Variants in MAST3 observed in about 807,000 individuals in gnomAD.
MAST3 encodes the protein microtubule-associated serine/threonine-protein kinase 3.
MAST3 carries 43 observed loss-of-function variants against 127.0 expected under a neutral mutation model. That is an observed-to-expected ratio of 0.34 (90% CI 0.27 to 0.44). The LOEUF (loss-of-function observed/expected upper bound fraction) is 0.44. Ranked by LOEUF, MAST3 falls within the 20% of genes least tolerant of loss-of-function variation. The pLI, the probability that MAST3 is intolerant of heterozygous loss-of-function variation, is 1.00. For synonymous variants in MAST3, 785 were observed against 809.2 expected (o/e 0.97, Z 0.51); for missense variants, 1,390 against 1,919.1 (o/e 0.72, Z 5.15).
intron 3 of MAST3, among the ~76,000 whole-genome samples, chr19:18,119,617 A>G (rs1353065747): frequency 1.3e-5 from 2 of 152,234 alleles, no homozygotes; most frequent in African/African-American, 4.8e-5. Context: ...GGCGTGAGCC[A>G]GGCCCTGTGA....
chr19:18,146,944 G>A lies in MAST3; in HGVS notation c.3226G>A (p.Ala1076Thr), dbSNP rs372265542. ...LENTSIKVGP[A>T]RKNVAKGRMA... ...GAACACCTCCATCAAGGTGGGCCCC[G>A]CCCGGAAGAATGTGGCCAAGGGCCG... Residue 1076 changes from alanine (A) to threonine (T), a missense_variant, in exon 26 of 28, where the codon GCC (alanine) becomes ACC (threonine). By Grantham distance (58) the Ala-to-Thr change is moderately conservative. Coordinates refer to ENST00000687212, the MANE Select transcript of MAST3 (RefSeq NM_001393504.1). 2.8e-4 allele frequency: 437 copies of A among 1,559,330 alleles called. No individual in the cohort carries two copies. Among genetic ancestry groups the A allele is most frequent in the Non-Finnish European group, 3.6e-4 (413 of 1,151,644 alleles).
At chr19:18,098,886 C>T (rs937137649) in intron 1 of MAST3, 7 of 442,754 alleles carry the variant, frequency 1.6e-5, no homozygotes, top group Non-Finnish European at 3.2e-5. Context: ...GCAGCGGTGA[C>T]CCCACGGAGT....
At chr19:18,118,619 G>A (rs1426072234) in intron 3 of MAST3, among the ~76,000 whole-genome samples, 3 of 152,196 alleles carry the variant, frequency 2.0e-5, no homozygotes, top group Admixed American at 2.0e-4. Flanking sequence ...CAGAAATGTT[G>A]GCTCAGAAGC....
intron 15 of MAST3, among the ~76,000 whole-genome samples, chr19:18,132,409 G>A (rs1227419126): frequency 6.6e-6 from 1 of 152,192 alleles, no homozygotes; most frequent in East Asian, 1.9e-4. Flanking sequence ...CACAAGGGGA[G>A]AGAACATGCA....
chr19:18,136,947 G>A (rs527495362), intron 18 of MAST3, among the ~76,000 whole-genome samples: 18 of 152,088 alleles, frequency 1.2e-4, no homozygotes, highest in South Asian at 6.2e-4. Flanking sequence ...TCAGCCTCCC[G>A]AGTAGCTGGG....
At position 18,110,854 on chromosome 19, in the gene MAST3, C is replaced by A; in HGVS notation, c.161+113C>A. 3.2e-6 allele frequency: 1 copy of A among 309,854 alleles called. No homozygotes were observed. The highest frequency in any genetic ancestry group is 4.7e-6 in the Non-Finnish European group (1 of 212,006). 19.2% of individuals were successfully genotyped at this position (309,854 alleles called of 1,614,324 possible). A position where few individuals can be genotyped will look rare whatever the true frequency, so the allele number is the denominator to read the frequency against. ...AGATACTGCAGGTTGGTGACATCAC[C>A]TCTCTGGGCCTCAGTTTACCCCTCC... On this transcript the variant is annotated intron_variant, in intron 3 of 27. Transcript: ENST00000687212. This position sits in a 1 kb window ranked among gnomAD's most constrained non-coding sequence, Gnocchi z 4.3.
At chr19:18,124,543 G>A in intron 10 of MAST3, 99 bp from the exon 11 acceptor site, 1 of 1,458,972 alleles carries the variant, frequency 6.9e-7, no homozygotes, top group Non-Finnish European at 9.2e-7. Flanking sequence ...GAGACCCAGT[G>A]GGTGAGCTGG....
At position 18,141,924 on chromosome 19, in the gene MAST3, A is replaced by C; in HGVS notation, c.2248A>C (p.Thr750Pro). 6.5e-7 allele frequency: 1 copy of C among 1,547,496 alleles called. No homozygotes were observed. Among genetic ancestry groups the C allele is most frequent in the African/African-American group, 1.4e-5 (1 of 72,624 alleles). The change falls in exon 21 of 28, where the codon ACC becomes CCC. Residue 750 changes from threonine (T) to proline (P), a missense_variant. By Grantham distance (38) the Thr-to-Pro change is conservative. Coordinates refer to ENST00000687212, the MANE Select transcript of MAST3 (RefSeq NM_001393504.1). ...GTTCCTGGCCGTCCAGCCCACTCCT[A>C]CCTTCGCTGAAAGGAGCTTCAGTGA... ...SEFLAVQPTPTFAERSFSEDR... is the reference protein window; with the variant it reads ...SEFLAVQPTPPFAERSFSEDR...
At chr19:18,128,651 T>G (rs116038696) in intron 12 of MAST3, among the ~76,000 whole-genome samples, 193 bp downstream of exon 12, 1 of 152,278 alleles carries the variant, frequency 6.6e-6, no homozygotes, top group African/African-American at 2.4e-5. Context: ...GGAGGGGCAC[T>G]GGACAGGTGA....
chr19:18,107,982 G>A (rs1050190991), intron 2 of MAST3, among the ~76,000 whole-genome samples: 1 of 152,060 alleles, frequency 6.6e-6, no homozygotes, highest in Non-Finnish European at 1.5e-5. Flanking sequence ...CTTCCTTTTG[G>A]GGAACACCAG....
chr19:18,142,088 G>T lies in MAST3; in HGVS notation c.2339+73G>T, dbSNP rs1197149157. 4.5e-6 allele frequency: 6 copies of T among 1,326,242 alleles called. No homozygotes were observed. In the South Asian group the frequency reaches 1.2e-4, roughly 26 times the overall value. 82.2% of individuals were successfully genotyped at this position (1,326,242 alleles called of 1,614,324 possible). A position where few individuals can be genotyped will look rare whatever the true frequency, so the allele number is the denominator to read the frequency against. ...GGGAGGTAGAGACACAAAATCTGAT[G>T]CAAAGGGAGCTTCCTAGTGGCCAAG... On this transcript the variant is annotated intron_variant, in intron 21 of 27. Coordinates refer to ENST00000687212, the MANE Select transcript of MAST3 (RefSeq NM_001393504.1).
intron 3 of MAST3, among the ~76,000 whole-genome samples, chr19:18,120,096 G>C (rs2039790748): frequency 6.6e-6 from 1 of 152,212 alleles, no homozygotes; most frequent in Non-Finnish European, 1.5e-5. Context: ...GCCAGGCAGG[G>C]TGTGAGAGAC....
At chr19:18,118,503 G>A (rs999145635) in intron 3 of MAST3, among the ~76,000 whole-genome samples, 19 of 152,184 alleles carry the variant, frequency 1.2e-4, no homozygotes, top group African/African-American at 4.3e-4. Flanking sequence ...ACAGGAGTGA[G>A]TTGAGATTGA....
rs1178485001 is a variant in MAST3 at position 18,143,946 on chromosome 19, A to T, written c.2523A>T (p.Leu841=). 1 of 1,608,362 alleles carries T rather than the reference A, an allele frequency of 6.2e-7. No homozygotes were observed. The highest frequency in any genetic ancestry group is 8.5e-7 in the Non-Finnish European group (1 of 1,177,572). The change falls in exon 22 of 28, where the codon CTA becomes CTT. Residue 841 remains leucine (L), a synonymous_variant. Coordinates refer to ENST00000687212, the MANE Select transcript of MAST3 (RefSeq NM_001393504.1). ...PAGPKRPVFI[L]GEPDPPPAAT... is the part of the protein sequence containing the mutation. ...GCCCCAAGAGGCCCGTCTTCATTCT[A>T]GGGGAGCCTGACCCCCCACCAGCGG...
chr19:18,143,111 CAAA>C (rs71164373), intron 21 of MAST3, among the ~76,000 whole-genome samples: 1 of 139,470 alleles, frequency 7.2e-6, no homozygotes. Context: ...GACTCTGTCT[CAAA>C]AAAAAAAAAC....
chr19:18,140,240 C>T (rs1248288547), intron 20 of MAST3, among the ~76,000 whole-genome samples: 4 of 152,052 alleles, frequency 2.6e-5, no homozygotes, highest in Admixed American at 6.5e-5. Flanking sequence ...ATTAGCCAGG[C>T]GGTGGTGGGT....
chr19:18,124,439 G>A (rs1198975143), intron 10 of MAST3, 73 bp downstream of exon 10: 1 of 1,439,294 alleles, frequency 6.9e-7, no homozygotes, highest in East Asian at 2.5e-5. Flanking sequence ...GTCCTGCCAA[G>A]ATACAGGTGA....
intron 16 of MAST3, 41 bp from the exon 17 acceptor site, chr19:18,134,776 G>C: frequency 1.9e-6 from 3 of 1,613,648 alleles, no homozygotes; most frequent in Non-Finnish European, 2.5e-6. Context: ...CCTCTCTTGG[G>C]CTGGGGGCTG....
In MAST3 at chr19:18,149,114, T is replaced by C; in HGVS notation, c.3509-77T>C. On this transcript the variant is annotated intron_variant, in intron 27 of 27. Transcript: ENST00000687212. The surrounding 1 kb of genome is among the most constrained non-coding windows in gnomAD (Gnocchi z 5.9). ...TGGAAGGATGTGGGCTTTAGCAGTT[T>C]TTGTCAGTCCCACAGCTCCACTTCT... The C allele has an allele frequency of 7.2e-7, 1 of 1,383,486 alleles. No homozygotes were observed. Among genetic ancestry groups the C allele is most frequent in the South Asian group, 1.7e-5 (1 of 59,160 alleles). The allele number at this position is 1,383,486 out of a possible 1,614,324, so 85.7% of individuals were successfully genotyped here. A position where few individuals can be genotyped will look rare whatever the true frequency, so the allele number is the denominator to read the frequency against.
Sources: allele counts gnomAD v4.1 joint callset (sites outside exome capture counted in the v4.1 genomes callset), GRCh38; gene constraint gnomAD v4.1.1; non-coding constraint Gnocchi (gnomAD v3.1); transcripts MANE v1.5; gene names NCBI Gene and HGNC (gene_info 2026-07-23, HGNC 2026-07-21).